FAM110B: variants seen among roughly 807,000 people sequenced by gnomAD.
FAM110B encodes protein FAM110B.
Under a neutral mutation model 20.4 loss-of-function variants are expected in FAM110B, and 6 were observed. That is an observed-to-expected ratio of 0.29 (90% CI 0.16 to 0.58). The LOEUF (loss-of-function observed/expected upper bound fraction) is 0.58, where lower values mean the gene tolerates loss of function less well. Ranked by LOEUF, FAM110B falls within the 20% of genes least tolerant of loss-of-function variation. The pLI is 0.90. For missense variants in FAM110B, 434 were observed against 498.2 expected (o/e 0.87, Z 1.23); for synonymous variants, 226 against 214.1 (o/e 1.06, Z -0.49).
chr8:58,125,329 C>A (rs1439528629), intron 3 of FAM110B, among the ~76,000 whole-genome samples: 6 of 151,530 alleles, frequency 4.0e-5, no homozygotes, highest in African/African-American at 1.5e-4. Context: ...GCCTGGGTGA[C>A]AGAGAAAGAA....
At chr8:58,084,417 G>A (rs1806278453) in intron 3 of FAM110B, among the ~76,000 whole-genome samples, 1 of 148,254 alleles carries the variant, frequency 6.7e-6, no homozygotes, top group African/African-American at 2.5e-5. Flanking sequence ...TTGAGACGGA[G>A]TCTCACTCTG....
chr8:58,000,826 TA>T (rs1209921948), intron 1 of FAM110B, among the ~76,000 whole-genome samples: 2 of 152,104 alleles, frequency 1.3e-5, no homozygotes, highest in African/African-American at 4.8e-5. Flanking sequence ...GTTGGGGATT[TA>T]AAAAAAATTC....
chr8:58,118,663 C>T (rs150431882), intron 3 of FAM110B, among the ~76,000 whole-genome samples: 147 of 152,234 alleles, frequency 9.7e-4, no homozygotes, highest in Non-Finnish European at 1.5e-3. Flanking sequence ...AGCAGCAGCA[C>T]CTTGTAGCAG....
At chr8:58,044,274 A>T (rs1805279278) in intron 2 of FAM110B, among the ~76,000 whole-genome samples, 2 of 152,300 alleles carry the variant, frequency 1.3e-5, no homozygotes, top group South Asian at 4.1e-4. Context: ...GACCCCTGAG[A>T]TTGTTCAGTG....
At chr8:58,036,614 A>T (rs1167102191) in intron 2 of FAM110B, among the ~76,000 whole-genome samples, 1 of 152,210 alleles carries the variant, frequency 6.6e-6, no homozygotes, top group Non-Finnish European at 1.5e-5. Flanking sequence ...ACCAAAGAGT[A>T]GTTAAGGTGC....
At chr8:58,028,120 C>T (rs924317113) in intron 1 of FAM110B, among the ~76,000 whole-genome samples, 1 of 152,124 alleles carries the variant, frequency 6.6e-6, no homozygotes, top group East Asian at 1.9e-4. Flanking sequence ...ATTTTCTTTT[C>T]GAGATGGAGT....
intron 3 of FAM110B, among the ~76,000 whole-genome samples, chr8:58,126,154 T>A (rs1464414023): frequency 2.0e-5 from 3 of 152,242 alleles, no homozygotes; most frequent in Non-Finnish European, 4.4e-5. Context: ...ACATACAGTA[T>A]GTGACTGTGT....
chr8:58,138,994 A>G (rs775030242), intron 3 of FAM110B, among the ~76,000 whole-genome samples: 4 of 152,254 alleles, frequency 2.6e-5, no homozygotes, highest in Non-Finnish European at 5.9e-5. Context: ...AAAAGAAACA[A>G]GACTTTAAAA....
chr8:58,146,094 C>A lies in FAM110B; in HGVS notation c.-137C>A. On this transcript the variant is annotated 5_prime_UTR_variant, in exon 4 of 4. In the 5' UTR this introduces an upstream ATG that the reference lacks. Transcript: ENST00000519262. ...TAATGAGCTGTGAGATGAGGCGCTG[C>A]TGCGGCCGCTGCTGCTGACACTCGC... is the stretch of plus-strand genomic sequence containing the variant. 1.0e-6 allele frequency: 1 copy of A among 992,810 alleles called. No individual in the cohort carries two copies. Among genetic ancestry groups the A allele is most frequent in the Non-Finnish European group, 1.5e-6 (1 of 687,812 alleles). The allele number at this position is 992,810 out of a possible 1,614,324, so 61.5% of individuals were successfully genotyped here. A position where few individuals can be genotyped will look rare whatever the true frequency, so the allele number is the denominator to read the frequency against.
At chr8:58,002,576 C>A (rs1804320020) in intron 1 of FAM110B, among the ~76,000 whole-genome samples, 1 of 152,150 alleles carries the variant, frequency 6.6e-6, no homozygotes, top group African/African-American at 2.4e-5. Flanking sequence ...TATCTACTGG[C>A]ATACCTTGGA....
chr8:58,143,218 T>C (rs1440940019), intron 3 of FAM110B, among the ~76,000 whole-genome samples: 1 of 152,242 alleles, frequency 6.6e-6, no homozygotes, highest in Admixed American at 6.5e-5. Context: ...CTAAACCAGG[T>C]AGAAAACTTG....
intron 2 of FAM110B, among the ~76,000 whole-genome samples, chr8:58,075,262 CTTTTTT>C (rs67819278): frequency 6.4e-5 from 8 of 125,020 alleles, no homozygotes; most frequent in African/African-American, 1.4e-4. Flanking sequence ...CTAATTTTTG[CTTTTTT>C]TTTTTTTTGT....
At position 58,133,993 on chromosome 8, in the gene FAM110B, T is replaced by C. The variant is rs557914865; in HGVS notation, c.-324-11914T>C. On this transcript the variant is annotated intron_variant, in intron 3 of 3. Coordinates refer to ENST00000519262, the MANE Select transcript of FAM110B (RefSeq NM_001377989.1). The stretch of plus-strand genomic sequence containing the variant: ...TTTAACATTCTAGGCTTGAAAATGA[T>C]TTTATGTAAGACACGTTAAGTGCTG... 2.6e-5 allele frequency among the ~76,000 whole-genome samples: 4 copies of C among 152,324 alleles called. No individual in the cohort carries two copies. In the South Asian group the frequency reaches 8.3e-4, roughly 32 times the overall value.
intron 2 of FAM110B, among the ~76,000 whole-genome samples, chr8:58,054,644 G>A (rs1435086302): frequency 6.6e-6 from 1 of 152,202 alleles, no homozygotes; most frequent in African/African-American, 2.4e-5. Flanking sequence ...TTTGAGAGTA[G>A]GTGGGAGCAT....
intron 3 of FAM110B, among the ~76,000 whole-genome samples, chr8:58,125,667 T>C (rs1034025989): frequency 2.6e-5 from 4 of 152,230 alleles, no homozygotes; most frequent in Non-Finnish European, 4.4e-5. Flanking sequence ...TATTAAAATA[T>C]GACAAATGTG....
At chr8:58,072,477 A>T (rs1473067479) in intron 2 of FAM110B, among the ~76,000 whole-genome samples, 2 of 152,236 alleles carry the variant, frequency 1.3e-5, no homozygotes, top group Non-Finnish European at 2.9e-5. Context: ...ACAGAATTAA[A>T]CAAGTGTTAT....
intron 3 of FAM110B, among the ~76,000 whole-genome samples, chr8:58,131,932 A>C (rs982701490): frequency 3.9e-5 from 6 of 152,342 alleles, no homozygotes; most frequent in African/African-American, 1.4e-4. Flanking sequence ...GCATGGTTGA[A>C]GGATCTGTCG....
chr8:58,008,658 T>C (rs552034917), intron 1 of FAM110B, among the ~76,000 whole-genome samples: 154 of 152,322 alleles, frequency 1.0e-3, no homozygotes, highest in African/African-American at 3.5e-3. Flanking sequence ...ATAGTCACCC[T>C]GCAATGCTGT....
In FAM110B at chr8:58,092,365, A is replaced by G. The variant is rs1442606932; in HGVS notation, c.-325+16742A>G. ...CACCCATCAACCCGTCATCTACATT[A>G]GGTATTTCTCCTAATGCTATTCCTT... On this transcript the variant is annotated intron_variant, in intron 3 of 3. Transcript: ENST00000519262. Among the ~76,000 whole-genome samples, 11 of 152,196 alleles carry G rather than the reference A, an allele frequency of 7.2e-5. No individual in the cohort carries two copies. In the East Asian group the frequency reaches 2.1e-3, roughly 29 times the overall value.
Sources: allele counts gnomAD v4.1 joint callset (sites outside exome capture counted in the v4.1 genomes callset), GRCh38; gene constraint gnomAD v4.1.1; transcripts MANE v1.5; gene names NCBI Gene and HGNC (gene_info 2026-07-23, HGNC 2026-07-21).